ZNF560: variants seen among roughly 807,000 people sequenced by gnomAD.
ZNF560 encodes zinc finger protein 560.
ZNF560 carries 54 observed loss-of-function variants against 81.8 expected under a neutral mutation model. The ratio of observed to expected loss-of-function variants is 0.66; its 90% CI spans 0.53 to 0.83. The LOEUF is 0.83. Ranked by LOEUF, ZNF560 falls within the 40% of genes least tolerant of loss-of-function variation. The pLI is 0.00. For synonymous variants in ZNF560, 321 were observed against 317.9 expected (o/e 1.01, Z -0.10); for missense variants, 940 against 932.4 (o/e 1.01, Z -0.11).
At position 9,469,096 on chromosome 19, in the gene ZNF560, T is replaced by A; in HGVS notation, c.612+9A>T. 1 of 1,570,610 alleles carries A rather than the reference T, an allele frequency of 6.4e-7. No homozygotes were observed. The highest frequency in any genetic ancestry group is 1.2e-5 in the South Asian group (1 of 85,284). On this transcript the variant is annotated intron_variant, in intron 9 of 9. Transcript: ENST00000301480. ...GTGAAAAATAAGAAAGTTCTTTTGT[T>A]AATCTTACCAACTGTATCCCATTTA... is the stretch of plus-strand genomic sequence containing the variant.
chr19:9,493,994 G>A (rs186734284), intron 2 of ZNF560, among the ~76,000 whole-genome samples: 18 of 151,882 alleles, frequency 1.2e-4, no homozygotes, highest in African/African-American at 2.4e-4. Flanking sequence ...TTAGCTGGGC[G>A]TGGTGGTGTG....
At chr19:9,449,114 AT>A in the ZNF560 span, among the ~76,000 whole-genome samples, 2 of 152,216 alleles carry the variant, frequency 1.3e-5, no homozygotes, top group Admixed American at 6.5e-5. Flanking sequence ...AAACTAACAA[AT>A]TCTGGACTTC....
At chr19:9,463,560 CAGTT>C (rs1446477756), downstream of ZNF560, among the ~76,000 whole-genome samples, 1 of 152,210 alleles carries the variant, frequency 6.6e-6, no homozygotes, top group African/African-American at 2.4e-5. Flanking sequence ...TCACTGGTAA[CAGTT>C]AAACGCAACA....
the ZNF560 span, among the ~76,000 whole-genome samples, chr19:9,446,585 A>G: frequency 2.4e-4 from 37 of 151,738 alleles, no homozygotes; most frequent in South Asian, 7.3e-3. Context: ...TGTTGGTAGG[A>G]TAAACAGTTT....
At position 9,469,163 on chromosome 19, in the gene ZNF560, T is replaced by G; in HGVS notation, c.554A>C (p.Lys185Thr). The G allele has an allele frequency of 1.3e-6, 2 of 1,597,090 alleles. No individual in the cohort carries two copies. Among genetic ancestry groups the G allele is most frequent in the Non-Finnish European group, 8.5e-7 (1 of 1,173,782 alleles). Residue 185 changes from lysine to threonine, a missense_variant, in exon 9 of 10, where the codon AAA becomes ACA. Transcript: ENST00000301480. ...ATTATCTTGCCAAAGGGCTGGCCCTTTGGTTTTCAGGCACATTTTCCATTC... is the reference window on the plus strand; with the variant it reads ...ATTATCTTGCCAAAGGGCTGGCCCTGTGGTTTTCAGGCACATTTTCCATTC... ...LQEWKMCLKT[K>T]GPALWQDNFC...
At chr19:9,496,350 A>C (rs556856484) in intron 2 of ZNF560, among the ~76,000 whole-genome samples, 4 of 151,878 alleles carry the variant, frequency 2.6e-5, no homozygotes, top group African/African-American at 7.2e-5. Context: ...AAAAACAAAA[A>C]ACAAAAAACA....
At chr19:9,502,281 G>A (rs371717538), upstream of ZNF560, among the ~76,000 whole-genome samples, 9 of 152,062 alleles carry the variant, frequency 5.9e-5, no homozygotes, top group African/African-American at 2.2e-4. Context: ...GCGCAATGTC[G>A]GCTCACTGCA....
chr19:9,496,371 G>A (rs898787834), intron 2 of ZNF560, among the ~76,000 whole-genome samples: 1 of 151,260 alleles, frequency 6.6e-6, no homozygotes, highest in Non-Finnish European at 1.5e-5. Context: ...AAAAAACCCC[G>A]CAAATATATA....
At chr19:9,498,769 G>A (rs2073603557), upstream of ZNF560, 1 of 152,604 alleles carries the variant, frequency 6.6e-6, no homozygotes, top group Non-Finnish European at 1.5e-5. Flanking sequence ...GGGTGGGCAA[G>A]AGAGAAATGG....
At chr19:9,489,406 G>A (rs1300340067) in intron 2 of ZNF560, among the ~76,000 whole-genome samples, 2 of 151,894 alleles carry the variant, frequency 1.3e-5, no homozygotes, top group East Asian at 3.9e-4. Flanking sequence ...CAGACGGTGT[G>A]GTGGCTGAGC....
downstream of ZNF560, among the ~76,000 whole-genome samples, chr19:9,465,158 G>A (rs1174472890): frequency 7.1e-6 from 1 of 141,588 alleles, no homozygotes; most frequent in African/African-American, 2.7e-5. Context: ...TTGAGATGGA[G>A]TCTCGCTCAG....
At chr19:9,454,703 G>A in the ZNF560 span, among the ~76,000 whole-genome samples, 1 of 152,158 alleles carries the variant, frequency 6.6e-6, no homozygotes, top group African/African-American at 2.4e-5. Flanking sequence ...TGGATGTAGA[G>A]GTCTGGGAGG....
At chr19:9,452,079 CAAA>C in the ZNF560 span, among the ~76,000 whole-genome samples, 1 of 143,278 alleles carries the variant, frequency 7.0e-6, no homozygotes, top group Non-Finnish European at 1.5e-5. Flanking sequence ...CCATGTAAGC[CAAA>C]AAAAAAAGTG....
the ZNF560 span, among the ~76,000 whole-genome samples, chr19:9,459,549 A>T: frequency 1.3e-5 from 2 of 152,180 alleles, no homozygotes; most frequent in African/African-American, 2.4e-5. Context: ...AGTCAAAGGA[A>T]TGAGACAAGT....
the ZNF560 span, among the ~76,000 whole-genome samples, chr19:9,456,957 C>G: frequency 2.6e-5 from 4 of 152,074 alleles, no homozygotes; most frequent in African/African-American, 9.7e-5. Flanking sequence ...TCTCTTCAAG[C>G]GGAAAGACAA....
intron 2 of ZNF560, among the ~76,000 whole-genome samples, chr19:9,475,960 A>G (rs2144698669): frequency 6.6e-6 from 1 of 152,290 alleles, no homozygotes; most frequent in East Asian, 1.9e-4. Flanking sequence ...CCATGGTGAT[A>G]TAACTCACAA....
intron 2 of ZNF560, among the ~76,000 whole-genome samples, chr19:9,494,284 T>C (rs954108626): frequency 5.3e-5 from 8 of 152,180 alleles, no homozygotes; most frequent in Admixed American, 2.0e-4. Context: ...GATGGGCACA[T>C]GTGGATGCTG....
chr19:9,504,668 C>T, the ZNF560 span, among the ~76,000 whole-genome samples: 1 of 152,170 alleles, frequency 6.6e-6, no homozygotes, highest in Non-Finnish European at 1.5e-5. Context: ...TATAACTCTC[C>T]AATTATTGCT....
At chr19:9,465,869 C>T (rs573507934), downstream of ZNF560, among the ~76,000 whole-genome samples, 86 of 152,286 alleles carry the variant, frequency 5.6e-4, no homozygotes, top group African/African-American at 1.9e-3. Flanking sequence ...TGGTGTGTGC[C>T]TATAATCCCA....
Sources: allele counts gnomAD v4.1 joint callset (sites outside exome capture counted in the v4.1 genomes callset), GRCh38; gene constraint gnomAD v4.1.1; transcripts MANE v1.5; gene names NCBI Gene and HGNC (gene_info 2026-07-23, HGNC 2026-07-21).